PLCH1: variants seen among roughly 807,000 people sequenced by gnomAD.
PLCH1 encodes the protein 1-phosphatidylinositol 4,5-bisphosphate phosphodiesterase eta-1.
A neutral mutation model predicts 126.7 loss-of-function variants in PLCH1; 60 were observed. That is an observed-to-expected ratio of 0.47 (90% confidence interval 0.38 to 0.59). The LOEUF (loss-of-function observed/expected upper bound fraction) is 0.59. Ranked by LOEUF, PLCH1 falls within the 20% of genes least tolerant of loss-of-function variation. The probability of loss-of-function intolerance (pLI) is 0.00; values close to 1 mark genes in which losing one functional copy is unlikely to be tolerated. For synonymous variants in PLCH1, 719 were observed against 734.9 expected (o/e 0.98, Z 0.35); for missense variants, 1,723 against 2,040.0 (o/e 0.84, Z 2.99).
In PLCH1 at chr3:155,732,870, T is replaced by C. The variant is rs1380234147; in HGVS notation, c.-41+11970A>G. On this transcript the variant is annotated intron_variant, in intron 1 of 22. Transcript: ENST00000460012. ...TCCAGCCTGGGTGACAGGGTGAGAC[T>C]GCATCTCAAAAAAAAAAAAAAAAAA... Among the ~76,000 whole-genome samples the C allele has an allele frequency of 2.4e-4, 22 of 93,552 alleles. No homozygotes were observed. In the Admixed American group the frequency reaches 3.1e-3, roughly 13 times the overall value. 61.4% of individuals were successfully genotyped at this position (93,552 alleles called of 152,430 possible).
chr3:155,473,404 T>C (rs1294034705), intron 21 of PLCH1, among the ~76,000 whole-genome samples: 2 of 152,080 alleles, frequency 1.3e-5, no homozygotes, highest in South Asian at 2.1e-4. Flanking sequence ...AACTACAAAC[T>C]GCTGCTCAAG....
intron 2 of PLCH1, among the ~76,000 whole-genome samples, chr3:155,689,216 G>T (rs746570445): frequency 6.6e-6 from 1 of 152,172 alleles, no homozygotes; most frequent in Non-Finnish European, 1.5e-5. Flanking sequence ...AGACCACCAA[G>T]GTGATAACTC....
At chr3:155,486,261 G>A in intron 21 of PLCH1, 1 of 1,107,256 alleles carries the variant, frequency 9.0e-7, no homozygotes, top group South Asian at 1.4e-5. Flanking sequence ...CATTGAAGAG[G>A]GTGTCACAAG....
At chr3:155,623,813 C>A (rs1325612447) in intron 2 of PLCH1, among the ~76,000 whole-genome samples, 1 of 152,152 alleles carries the variant, frequency 6.6e-6, no homozygotes, top group Non-Finnish European at 1.5e-5. Context: ...TCGAATTCTA[C>A]CAGAGGTACA....
intron 14 of PLCH1, among the ~76,000 whole-genome samples, chr3:155,497,670 G>A: frequency 6.6e-6 from 1 of 152,054 alleles, no homozygotes; most frequent in Non-Finnish European, 1.5e-5. Context: ...GTTAACCATG[G>A]TCTAAAAATA....
intron 2 of PLCH1, among the ~76,000 whole-genome samples, chr3:155,685,411 T>G (rs1445577511): frequency 1.3e-5 from 2 of 152,200 alleles, no homozygotes; most frequent in African/African-American, 4.8e-5. Flanking sequence ...TTCAGCCTAG[T>G]GATTTAGGAA....
At chr3:155,562,574 G>A (rs1341259597) in intron 8 of PLCH1, among the ~76,000 whole-genome samples, 1 of 152,106 alleles carries the variant, frequency 6.6e-6, no homozygotes, top group African/African-American at 2.4e-5. Context: ...GGGATCAAAG[G>A]GAGTCTAAGC....
intron 8 of PLCH1, among the ~76,000 whole-genome samples, chr3:155,561,264 C>A (rs1379564559): frequency 1.3e-5 from 2 of 148,324 alleles, no homozygotes; most frequent in East Asian, 2.0e-4. Context: ...GTATATCTCC[C>A]AGTGCTATCC....
intron 1 of PLCH1, among the ~76,000 whole-genome samples, chr3:155,737,377 G>A (rs1749279122): frequency 6.6e-6 from 1 of 151,274 alleles, no homozygotes; most frequent in Non-Finnish European, 1.5e-5. Context: ...TATCACCCAG[G>A]CTGGAGTGCA....
intron 1 of PLCH1, among the ~76,000 whole-genome samples, chr3:155,719,921 G>A (rs1262656148): frequency 6.6e-6 from 1 of 151,720 alleles, no homozygotes; most frequent in Non-Finnish European, 1.5e-5. Context: ...TCAGCTTCCC[G>A]AGTAGCTGGG....
chr3:155,471,297 C>T (rs1198963429), intron 21 of PLCH1, among the ~76,000 whole-genome samples: 2 of 152,166 alleles, frequency 1.3e-5, no homozygotes. Flanking sequence ...ATAAAACAGA[C>T]TTTAAACCAA....
At chr3:155,635,214 T>A (rs1738578155) in intron 2 of PLCH1, among the ~76,000 whole-genome samples, 1 of 151,958 alleles carries the variant, frequency 6.6e-6, no homozygotes, top group Non-Finnish European at 1.5e-5. Flanking sequence ...TCAGCCCCCA[T>A]CTCTTTTTCC....
chr3:155,494,426 C>T lies in PLCH1; in HGVS notation c.1986G>A (p.Lys662=), dbSNP rs1330287845. ...CAGAGGGGTAAATCCTCGTGAGTTG[C>T]TTTTGATTATAAATCATGAACTGCT... is the stretch of plus-strand genomic sequence containing the variant. The part of the protein sequence containing the change: ...KSEQFMIYNQ[K]QLTRIYPSAY... The change falls in exon 16 of 23, where the codon AAG becomes AAA. Residue 662 remains lysine, a synonymous_variant. Transcript: ENST00000460012. 3 of 1,613,844 alleles carry T rather than the reference C, an allele frequency of 1.9e-6. No individual in the cohort carries two copies. The highest frequency in any genetic ancestry group is 2.5e-6 in the Non-Finnish European group (3 of 1,179,914).
Position 155,704,184 on chromosome 3 carries a change from T to A in PLCH1, c.41A>T (p.Tyr14Phe). ...GTTGTCCACCAGAAAATGCCTGCGG[T>A]ACTGCACACAGTTCCTTTTTTCCAA... is the stretch of plus-strand genomic sequence containing the variant. ...WNLEKRNCVQ[Y>F]RRHFLVDNSV... is the part of the protein sequence containing the mutation. The change falls in exon 2 of 23, where the codon TAC becomes TTC. Residue 14 changes from tyrosine to phenylalanine, a missense_variant. Tyr to Phe is a conservative substitution (Grantham distance 22, BLOSUM62 3). Around this residue, in one of 2 missense-constraint regions of PLCH1, gnomAD observed 776 missense variants for 1,062.9 expected, o/e 0.73. Transcript: ENST00000460012. 1 of 1,230,144 alleles carries A rather than the reference T, an allele frequency of 8.1e-7. No homozygotes were observed. The highest frequency in any genetic ancestry group is 1.0e-6 in the Non-Finnish European group (1 of 986,490). The allele number at this position is 1,230,144 out of a possible 1,614,324, so 76.2% of individuals were successfully genotyped here.
chr3:155,727,535 G>A (rs1200813699), intron 1 of PLCH1, among the ~76,000 whole-genome samples: 1 of 151,910 alleles, frequency 6.6e-6, no homozygotes, highest in Non-Finnish European at 1.5e-5. Flanking sequence ...TTACAAGTGT[G>A]TGCCACCACG....
intron 21 of PLCH1, among the ~76,000 whole-genome samples, chr3:155,463,538 C>A (rs934421074): frequency 1.3e-5 from 2 of 151,970 alleles, no homozygotes; most frequent in Non-Finnish European, 2.9e-5. Flanking sequence ...ACTTCTTATC[C>A]CTCATGACCT....
chr3:155,673,972 G>T (rs1378476724), intron 2 of PLCH1, among the ~76,000 whole-genome samples: 1 of 152,026 alleles, frequency 6.6e-6, no homozygotes, highest in Non-Finnish European at 1.5e-5. Context: ...ACATATCTGG[G>T]GTCCTTTTCT....
chr3:155,587,729 G>T (rs1226138880), intron 4 of PLCH1, among the ~76,000 whole-genome samples: 1 of 152,238 alleles, frequency 6.6e-6, no homozygotes, highest in African/African-American at 2.4e-5. Flanking sequence ...TCCTCAGTGG[G>T]AGGAGCCTTG....
At chr3:155,510,131 A>T in intron 12 of PLCH1, among the ~76,000 whole-genome samples, 1 of 56,672 alleles carries the variant, frequency 1.8e-5, no homozygotes, top group African/African-American at 1.2e-4. Flanking sequence ...GTCTCTTTTG[A>T]TCTTTGTTGG....
Sources: gnomAD v4.1 joint callset for allele counts (sites outside exome capture counted in the v4.1 genomes callset) on GRCh38, gnomAD v4.1.1 for gene constraint, gnomAD v4.1.1 regional missense constraint, MANE v1.5 for transcripts, NCBI Gene and HGNC (gene_info 2026-07-23, HGNC 2026-07-21) for gene names.